Variants in KCNMA1 observed in about 807,000 individuals in gnomAD.
KCNMA1 encodes the protein potassium calcium-activated channel subfamily M alpha 1.
In KCNMA1, 29 loss-of-function variants were observed where a neutral mutation model predicts 140.0. The observed-to-expected ratio is 0.21, with a 90% CI of 0.15 to 0.28. The LOEUF is 0.28. Ranked by LOEUF, KCNMA1 falls within the 10% of genes least tolerant of loss-of-function variation. The pLI is 1.00. For missense variants in KCNMA1, 880 were observed against 1,602.2 expected (o/e 0.55, Z 7.70); for synonymous variants, 612 against 611.9 (o/e 1.00, Z 0.00).
intron 19 of KCNMA1, among the ~76,000 whole-genome samples, chr10:77,000,975 A>G (rs907416452): frequency 3.3e-5 from 5 of 149,906 alleles, no homozygotes; most frequent in Non-Finnish European, 7.4e-5. Flanking sequence ...AAGCAATTCA[A>G]TGCTAGAGCT....
intron 2 of KCNMA1, among the ~76,000 whole-genome samples, chr10:77,290,387 T>C (rs2072765033): frequency 6.6e-6 from 1 of 152,218 alleles, no homozygotes. Context: ...GTAGCGGTGC[T>C]TGCAGTAAGA....
At chr10:77,298,324 C>A (rs2075732826) in intron 2 of KCNMA1, among the ~76,000 whole-genome samples, 1 of 151,764 alleles carries the variant, frequency 6.6e-6, no homozygotes, top group Non-Finnish European at 1.5e-5. Flanking sequence ...CTCACTGCAA[C>A]CTCCACCTCC....
chr10:77,532,656 G>T (rs1213902491), intron 1 of KCNMA1, among the ~76,000 whole-genome samples: 2 of 152,146 alleles, frequency 1.3e-5, no homozygotes, highest in Admixed American at 1.3e-4. Context: ...GGATTTTCTA[G>T]GTTTGTTTCC....
chr10:77,202,587 A>G (rs1461844857), intron 3 of KCNMA1, among the ~76,000 whole-genome samples: 1 of 152,176 alleles, frequency 6.6e-6, no homozygotes, highest in East Asian at 1.9e-4. Context: ...AACAAGTGAT[A>G]CCTGCTTAAT....
At chr10:77,254,424 T>A (rs578007224) in intron 2 of KCNMA1, among the ~76,000 whole-genome samples, 2 of 152,194 alleles carry the variant, frequency 1.3e-5, no homozygotes, top group South Asian at 4.2e-4. Context: ...GGTTTCACCA[T>A]GTTGGCCAGG....
chr10:77,471,303 C>T (rs949574978), intron 1 of KCNMA1, among the ~76,000 whole-genome samples: 1 of 151,092 alleles, frequency 6.6e-6, no homozygotes, highest in Non-Finnish European at 1.5e-5. Flanking sequence ...ACAACACACA[C>T]TACACAGTGC....
At chr10:77,348,796 A>G (rs947616159) in intron 2 of KCNMA1, among the ~76,000 whole-genome samples, 1 of 152,188 alleles carries the variant, frequency 6.6e-6, no homozygotes, top group African/African-American at 2.4e-5. Context: ...AATTGACACA[A>G]TTAGACAAAA....
At chr10:76,929,371 C>T (rs1177608368) in intron 23 of KCNMA1, among the ~76,000 whole-genome samples, 1 of 152,124 alleles carries the variant, frequency 6.6e-6, no homozygotes, top group Non-Finnish European at 1.5e-5. Context: ...TGTTTGTGCC[C>T]ACCTGCCTTG....
At chr10:77,033,359 A>C (rs2094085461) in intron 15 of KCNMA1, among the ~76,000 whole-genome samples, 1 of 151,988 alleles carries the variant, frequency 6.6e-6, no homozygotes, top group Non-Finnish European at 1.5e-5. Context: ...TTTCTCTATG[A>C]AGCTTTGATA....
At position 77,019,074 on chromosome 10, in the gene KCNMA1, G is replaced by T; in HGVS notation, c.1954C>A (p.Leu652Ile). The change falls in exon 17 of 28, where the codon CTT becomes ATT. Residue 652 changes from leucine (L) to isoleucine (I), a missense_variant. Coordinates refer to ENST00000286628, the MANE Select transcript of KCNMA1 (RefSeq NM_001161352.2). ...CCTAAAGTACCTTCTTGGATCTTAA[G>T]ATGGTTTCCAGGATTAATTAATATA... The part of the protein sequence containing the change: ...SRILINPGNH[L>I]KIQEGTLGFF... The T allele has an allele frequency of 6.3e-7, 1 of 1,585,906 alleles. No homozygotes were observed. The highest frequency in any genetic ancestry group is 8.7e-7 in the Non-Finnish European group (1 of 1,154,656).
At chr10:77,467,427 A>T (rs1453824176) in intron 1 of KCNMA1, among the ~76,000 whole-genome samples, 1 of 152,162 alleles carries the variant, frequency 6.6e-6, no homozygotes, top group African/African-American at 2.4e-5. Context: ...CGAATAGGGG[A>T]TCCCAAGGGA....
At chr10:77,528,102 A>G (rs1355811941) in intron 1 of KCNMA1, among the ~76,000 whole-genome samples, 1 of 152,094 alleles carries the variant, frequency 6.6e-6, no homozygotes, top group Non-Finnish European at 1.5e-5. Context: ...AGTGCCCACC[A>G]CCTGGGGTTG....
intron 16 of KCNMA1, chr10:77,019,544 A>G (rs1388095240): frequency 5.0e-6 from 1 of 201,790 alleles, no homozygotes; most frequent in Non-Finnish European, 1.0e-5. Flanking sequence ...CCCTATAGAT[A>G]TACATAAACA....
At chr10:77,600,602 G>A (rs2082298622) in intron 1 of KCNMA1, among the ~76,000 whole-genome samples, 1 of 152,172 alleles carries the variant, frequency 6.6e-6, no homozygotes. Context: ...TACAAAATTA[G>A]CCGGGCTTGG....
intron 12 of KCNMA1, among the ~76,000 whole-genome samples, chr10:77,080,487 A>G (rs560581594): frequency 6.6e-6 from 1 of 152,202 alleles, no homozygotes; most frequent in African/African-American, 2.4e-5. Context: ...AGCCAGGGCT[A>G]TCCTGAGGGG....
chr10:77,461,136 A>G (rs2097858983), intron 1 of KCNMA1, among the ~76,000 whole-genome samples: 1 of 152,086 alleles, frequency 6.6e-6, no homozygotes, highest in Non-Finnish European at 1.5e-5. Context: ...TATTGGATAC[A>G]ATGTACACTA....
intron 1 of KCNMA1, among the ~76,000 whole-genome samples, chr10:77,570,064 A>G (rs1186940001): frequency 6.6e-6 from 1 of 151,564 alleles, no homozygotes; most frequent in Non-Finnish European, 1.5e-5. Context: ...TTCGAATGGC[A>G]ATCATTAAAA....
At chr10:76,915,421 G>C (rs556683745) in intron 23 of KCNMA1, among the ~76,000 whole-genome samples, 7 of 152,120 alleles carry the variant, frequency 4.6e-5, no homozygotes, top group Admixed American at 3.9e-4. Flanking sequence ...AAAGTGAGCA[G>C]AGCAGTGCAT....
chr10:76,985,688 C>A (rs914683555), intron 19 of KCNMA1, among the ~76,000 whole-genome samples: 3 of 152,128 alleles, frequency 2.0e-5, no homozygotes, highest in African/African-American at 7.2e-5. Context: ...CAATAAAAAG[C>A]AGAAACAGGA....
Sources: allele counts gnomAD v4.1 joint callset (sites outside exome capture counted in the v4.1 genomes callset), GRCh38; gene constraint gnomAD v4.1.1; transcripts MANE v1.5; gene names NCBI Gene and HGNC (gene_info 2026-07-23, HGNC 2026-07-21).